Variants in FGF14 observed in about 807,000 individuals in gnomAD.
The protein encoded by FGF14 is fibroblast growth factor 14, also known as fibroblast growth factor homologous factor 4.
In FGF14, 5 loss-of-function variants were observed where a neutral mutation model predicts 25.5. The ratio of observed to expected loss-of-function variants is 0.20; its 90% CI spans 0.10 to 0.41. The LOEUF is 0.41. Ranked by LOEUF, FGF14 falls within the 10% of genes least tolerant of loss-of-function variation. FGF14 has a pLI of 1.00. For synonymous variants in FGF14, 138 were observed against 118.3 expected (o/e 1.17, Z -1.08); for missense variants, 222 against 320.1 (o/e 0.69, Z 2.34).
chr13:101,715,360 C>A lies in FGF14; in HGVS notation c.*7471G>T. On this transcript the variant is annotated 3_prime_UTR_variant, in exon 5 of 5. Transcript: ENST00000376143. ...CTATCTGATCGGTAAAGGGTGGCAC[C>A]AAATAAATGCCACTAATTGTTTGAA... 1 of 557,902 alleles carries A rather than the reference C, an allele frequency of 1.8e-6. No individual in the cohort carries two copies. The allele number at this position is 557,902 out of a possible 1,614,324, so 34.6% of individuals were successfully genotyped here.
chr13:102,025,521 G>A (rs992015073), intron 1 of FGF14, among the ~76,000 whole-genome samples: 3 of 151,910 alleles, frequency 2.0e-5, no homozygotes, highest in Non-Finnish European at 4.4e-5. Context: ...TGATTCTCAT[G>A]CTTCAGCCTT....
At chr13:101,943,843 A>ATT (rs1566473011) in intron 1 of FGF14, among the ~76,000 whole-genome samples, 2 of 147,360 alleles carry the variant, frequency 1.4e-5, no homozygotes, top group East Asian at 3.9e-4. Context: ...ATATATATAT[A>ATT]TTCACAAAAT....
rs577315278 is a variant in FGF14 at position 101,759,228 on chromosome 13, G to A, written c.409-32418C>T. Among the ~76,000 whole-genome samples, 5 of 152,276 alleles carry A rather than the reference G, an allele frequency of 3.3e-5. No individual in the cohort carries two copies. In the South Asian group the frequency reaches 6.2e-4, roughly 19 times the overall value. ...CACTAACCCCAGCAATTAGGGAACC[G>A]TAGATGATGTCATGTGGCCAATGAG... On this transcript the variant is annotated intron_variant, in intron 3 of 4. Coordinates refer to ENST00000376143, the MANE Select transcript of FGF14 (RefSeq NM_004115.4).
intron 3 of FGF14, among the ~76,000 whole-genome samples, chr13:101,780,481 A>C (rs1209181797): frequency 6.6e-6 from 1 of 152,198 alleles, no homozygotes; most frequent in Admixed American, 6.5e-5. Context: ...TAAAGATGCC[A>C]ATCTACAACT....
At chr13:101,804,838 T>C (rs944479344) in intron 3 of FGF14, among the ~76,000 whole-genome samples, 1 of 152,140 alleles carries the variant, frequency 6.6e-6, no homozygotes, top group Non-Finnish European at 1.5e-5. Flanking sequence ...AAATTATATC[T>C]TTGATGGTTC....
intron 1 of FGF14, among the ~76,000 whole-genome samples, chr13:102,134,333 T>A (rs919049033): frequency 2.0e-4 from 30 of 152,308 alleles, no homozygotes; most frequent in African/African-American, 6.5e-4. Context: ...ACCAGACCTG[T>A]GTGCTTGTCC....
intron 1 of FGF14, among the ~76,000 whole-genome samples, chr13:101,926,537 A>G (rs1057075128): frequency 8.5e-5 from 13 of 152,262 alleles, no homozygotes; most frequent in African/African-American, 2.7e-4. Context: ...TTGTGGAGAC[A>G]GGACCATTAG....
intron 3 of FGF14, among the ~76,000 whole-genome samples, chr13:101,794,200 G>C (rs370258626): frequency 6.6e-6 from 1 of 150,830 alleles, no homozygotes; most frequent in East Asian, 1.9e-4. Context: ...TCTCCCCCTG[G>C]TTCTCTTTCC....
intron 1 of FGF14, among the ~76,000 whole-genome samples, chr13:101,897,563 G>T (rs966100835): frequency 6.6e-6 from 1 of 152,104 alleles, no homozygotes; most frequent in Non-Finnish European, 1.5e-5. Flanking sequence ...AACCTCTCTT[G>T]TGAACTTTAA....
chr13:101,876,443 A>C (rs1800764617), intron 1 of FGF14, among the ~76,000 whole-genome samples: 1 of 152,334 alleles, frequency 6.6e-6, no homozygotes, highest in African/African-American at 2.4e-5. Flanking sequence ...TGAAGACAAA[A>C]AAATTTTTTT....
Position 101,879,983 on chromosome 13 carries a change from G to A in FGF14, c.194-4687C>T, listed in dbSNP as rs149727369. 6.1e-3 allele frequency among the ~76,000 whole-genome samples: 935 copies of A among 152,184 alleles called. 6 individuals carry two copies. The highest frequency in any genetic ancestry group is 6.2e-3 in the Admixed American group (95 of 15,280). ...ATAAAGGTGGGATAGGGACACTAAG[G>A]AAAATGATAGATAAAATTAAAGGCA... is the stretch of plus-strand genomic sequence containing the variant. On this transcript the variant is annotated intron_variant, in intron 1 of 4. Coordinates refer to ENST00000376143, the MANE Select transcript of FGF14 (RefSeq NM_004115.4).
At chr13:102,192,671 T>C (rs1040567786) in intron 1 of FGF14, among the ~76,000 whole-genome samples, 7 of 152,288 alleles carry the variant, frequency 4.6e-5, no homozygotes, top group Admixed American at 6.5e-5. Flanking sequence ...ATCTAAATAT[T>C]ATCTAAGTTT....
chr13:101,933,991 T>G (rs1831960542), intron 1 of FGF14, among the ~76,000 whole-genome samples: 1 of 152,184 alleles, frequency 6.6e-6, no homozygotes, highest in African/African-American at 2.4e-5. Flanking sequence ...ACAATTTCTT[T>G]TGGATTGTCC....
intron 1 of FGF14, among the ~76,000 whole-genome samples, chr13:102,218,150 G>C (rs2050454520): frequency 1.3e-5 from 2 of 152,104 alleles, no homozygotes; most frequent in South Asian, 4.2e-4. Flanking sequence ...TTGATTCCAA[G>C]AGGAAATCAA....
intron 3 of FGF14, among the ~76,000 whole-genome samples, chr13:101,803,050 T>C (rs917657045): frequency 6.6e-6 from 1 of 152,144 alleles, no homozygotes; most frequent in Non-Finnish European, 1.5e-5. Context: ...CTGCTGCCAT[T>C]CTTTGCTCTG....
intron 3 of FGF14, among the ~76,000 whole-genome samples, chr13:101,749,242 A>G (rs1253777994): frequency 6.6e-6 from 1 of 152,098 alleles, no homozygotes; most frequent in East Asian, 1.9e-4. Context: ...AGCCATATAA[A>G]TATACCGAAC....
intron 1 of FGF14, among the ~76,000 whole-genome samples, chr13:102,379,653 C>T (rs187411929): frequency 9.9e-5 from 15 of 152,094 alleles, no homozygotes; most frequent in African/African-American, 3.6e-4. Context: ...AAAAGAACAC[C>T]TACATCCTAA....
chr13:102,387,482 T>TA (rs1239661436), intron 1 of FGF14, among the ~76,000 whole-genome samples: 271 of 146,798 alleles, frequency 1.8e-3, no homozygotes, highest in African/African-American at 6.0e-3. Flanking sequence ...CCAAACTGGT[T>TA]AAAAAAAAAA....
chr13:102,129,046 CAA>C (rs1284468350), intron 1 of FGF14, among the ~76,000 whole-genome samples: 2 of 151,862 alleles, frequency 1.3e-5, no homozygotes, highest in African/African-American at 4.8e-5. Flanking sequence ...CTAGCCTGGG[CAA>C]CAAGAGTCAA....
Sources: allele counts gnomAD v4.1 joint callset (sites outside exome capture counted in the v4.1 genomes callset), GRCh38; gene constraint gnomAD v4.1.1; transcripts MANE v1.5; gene names NCBI Gene and HGNC (gene_info 2026-07-23, HGNC 2026-07-21).